KDELR2: variants seen among roughly 807,000 people sequenced by gnomAD.
KDELR2 encodes the protein KDEL endoplasmic reticulum protein retention receptor 2, also known as ER lumen protein-retaining receptor 2.
Under a neutral mutation model 23.9 loss-of-function variants are expected in KDELR2, and 15 were observed. That is an observed-to-expected ratio of 0.63 (90% CI 0.42 to 0.97). The LOEUF is 0.97. Ranked by LOEUF, KDELR2 falls within the 50% of genes least tolerant of loss-of-function variation. The pLI is 0.00. For synonymous variants in KDELR2, 119 were observed against 106.2 expected, an observed-to-expected ratio of 1.12 and a Z score of -0.74; for missense variants, 272 against 254.6, an observed-to-expected ratio of 1.07 and a Z score of -0.46.
chr7:6,482,555 G>A (rs747225087), intron 1 of KDELR2: 28 of 470,484 alleles, frequency 6.0e-5, no homozygotes, highest in African/African-American at 5.0e-4. Context: ...CTTACTTCCC[G>A]GATCTCAGTT....
intron 1 of KDELR2, among the ~76,000 whole-genome samples, chr7:6,479,536 G>A (rs1329289996): frequency 2.0e-5 from 3 of 152,090 alleles, no homozygotes; most frequent in Non-Finnish European, 4.4e-5. Flanking sequence ...GGAGTGCAGT[G>A]CACAGTCTCG....
rs1202476839 is a variant in KDELR2 at position 6,466,255 on chromosome 7, C to T, written c.420G>A (p.Lys140=). ...AILPQLFMIS[K]TGEAETITTH... is the part of the protein sequence containing the mutation. ...TGGTGATGGTCTCGGCCTCCCCAGTCTTGCTGATCATAAATAGCTGCGGAA... is the reference window on the plus strand; with the variant it reads ...TGGTGATGGTCTCGGCCTCCCCAGTTTTGCTGATCATAAATAGCTGCGGAA... The change falls in exon 4 of 5, where the codon AAG becomes AAA. Residue 140 remains lysine, a synonymous_variant. Transcript: ENST00000258739. 2.5e-6 allele frequency: 4 copies of T among 1,613,908 alleles called. No homozygotes were observed. The highest frequency in any genetic ancestry group is 2.7e-5 in the African/African-American group (2 of 74,880).
intron 1 of KDELR2, among the ~76,000 whole-genome samples, chr7:6,480,835 G>C (rs913710914): frequency 6.6e-6 from 1 of 152,274 alleles, no homozygotes; most frequent in South Asian, 2.1e-4. Flanking sequence ...GTCAAAGTTA[G>C]CATTTAATTC....
At chr7:6,477,668 G>C in intron 1 of KDELR2, among the ~76,000 whole-genome samples, 1 of 152,176 alleles carries the variant, frequency 6.6e-6, no homozygotes, top group Non-Finnish European at 1.5e-5. Context: ...TTTGTTTTCT[G>C]TTTTGTTTTC....
intron 1 of KDELR2, among the ~76,000 whole-genome samples, chr7:6,479,408 G>T (rs1156235922): frequency 6.6e-6 from 1 of 152,142 alleles, no homozygotes; most frequent in Non-Finnish European, 1.5e-5. Context: ...ACCCACCTTG[G>T]CCTCCTAAAG....
At chr7:6,463,278 CAT>C (rs1177393399) in intron 4 of KDELR2, 103 bp from the exon 5 acceptor site, 7 of 860,898 alleles carry the variant, frequency 8.1e-6, no homozygotes, top group Non-Finnish European at 1.3e-5. Flanking sequence ...CAAGATTCTA[CAT>C]AGTAAGGTAT....
At chr7:6,463,300 G>C in intron 4 of KDELR2, 125 bp from the exon 5 acceptor site, 1 of 705,378 alleles carries the variant, frequency 1.4e-6, no homozygotes, top group South Asian at 2.0e-5. Context: ...TAGGAAATAA[G>C]CAATTGTATT....
chr7:6,469,864 C>G, intron 2 of KDELR2, 110 bp from the exon 3 acceptor site: 1 of 972,990 alleles, frequency 1.0e-6, no homozygotes, highest in South Asian at 2.0e-5. Context: ...TTTTCCTTAG[C>G]TTTGTTTTTG....
intron 1 of KDELR2, among the ~76,000 whole-genome samples, chr7:6,479,097 T>C (rs1467775436): frequency 6.6e-6 from 1 of 151,742 alleles, no homozygotes; most frequent in Non-Finnish European, 1.5e-5. Flanking sequence ...CCATCTTTTG[T>C]ACATTTTCCT....
Position 6,462,880 on chromosome 7 carries a change from A to C in KDELR2, c.*261T>G, listed in dbSNP as rs1785417280. 1.7e-6 allele frequency: 2 copies of C among 1,155,536 alleles called. No individual in the cohort carries two copies. The allele number at this position is 1,155,536 out of a possible 1,614,324, so 71.6% of individuals were successfully genotyped here. The stretch of plus-strand genomic sequence containing the variant: ...TTGGAACTATCCCAATTGAAGCTAC[A>C]CACTGAATTTATTAATACAGCATTA... On this transcript the variant is annotated 3_prime_UTR_variant, in exon 5 of 5. Transcript: ENST00000258739.
At chr7:6,478,828 G>A (rs747026336) in intron 1 of KDELR2, among the ~76,000 whole-genome samples, 1 of 151,800 alleles carries the variant, frequency 6.6e-6, no homozygotes, top group Non-Finnish European at 1.5e-5. Context: ...CATTCTTGTC[G>A]CCCAGGCTGG....
chr7:6,482,401 A>G (rs1431657909), intron 1 of KDELR2: 1 of 308,042 alleles, frequency 3.2e-6, no homozygotes, highest in Non-Finnish European at 7.0e-6. Flanking sequence ...CCCAAACTGC[A>G]GCAGTTATTT....
Position 6,463,181 on chromosome 7 carries a change from A to G in KDELR2, c.605-6T>C. The G allele has an allele frequency of 6.2e-7, 1 of 1,606,234 alleles. No individual in the cohort carries two copies. The highest frequency in any genetic ancestry group is 8.5e-7 in the Non-Finnish European group (1 of 1,177,356). ...GAGCTTCTTTCCCTTGAGTACTAGA[A>G]TTTCAAAGAGAAGAAAAGAAAACAA... On this transcript the variant is annotated splice_polypyrimidine_tract_variant and splice_region_variant and intron_variant, in intron 4 of 4. Transcript: ENST00000258739.
intron 4 of KDELR2, among the ~76,000 whole-genome samples, 178 bp downstream of exon 4, chr7:6,465,893 A>G (rs959671254): frequency 6.6e-6 from 1 of 152,188 alleles, no homozygotes; most frequent in African/African-American, 2.4e-5. Flanking sequence ...ATTGCAAAAG[A>G]AAAAGGGTTC....
intron 4 of KDELR2, among the ~76,000 whole-genome samples, chr7:6,465,505 A>G (rs750327705): frequency 7.2e-5 from 11 of 151,898 alleles, no homozygotes; most frequent in Non-Finnish European, 1.5e-4. Flanking sequence ...TTTTCTGAAC[A>G]AGGATGATAG....
Position 6,463,134 on chromosome 7 carries a change from T to C in KDELR2, c.*7A>G, listed in dbSNP as rs137999737. The C allele has an allele frequency of 1.8e-4, 291 of 1,614,136 alleles. 3 individuals are homozygous for C. The African/African-American group carries it at 3.2e-3, about 18-fold the overall frequency. On this transcript the variant is annotated 3_prime_UTR_variant, in exon 5 of 5. Coordinates refer to ENST00000258739, the MANE Select transcript of KDELR2 (RefSeq NM_006854.4). ...GAAGGACAGATGCTGGTGATGGTCT[T>C]TGGCACTTATGCTGGCAAACTGAGC...
At chr7:6,481,152 T>C (rs1235318205) in intron 1 of KDELR2, among the ~76,000 whole-genome samples, 5 of 152,090 alleles carry the variant, frequency 3.3e-5, no homozygotes, top group Non-Finnish European at 7.4e-5. Flanking sequence ...GGGCGGATCA[T>C]GAGGTCAGGA....
Position 6,469,670 on chromosome 7 carries a change from A to T in KDELR2, c.277T>A (p.Phe93Ile). 6.2e-7 allele frequency: 1 copy of T among 1,614,130 alleles called. No homozygotes were observed. The highest frequency in any genetic ancestry group is 8.5e-7 in the Non-Finnish European group (1 of 1,179,970). The change falls in exon 3 of 5, where the codon TTC (phenylalanine) becomes ATC (isoleucine). Residue 93 changes from phenylalanine to isoleucine, a missense_variant. Transcript: ENST00000258739. ...KATYDGNHDT[F>I]RVEFLVVPVG... ...GGGACCACCAGAAACTCCACTCGGA[A>T]GGTATCATGATTTCCATCGTAGGTT...
intron 2 of KDELR2, among the ~76,000 whole-genome samples, chr7:6,471,065 C>T (rs1467380309): frequency 1.4e-5 from 2 of 147,822 alleles, no homozygotes; most frequent in Non-Finnish European, 3.0e-5. Flanking sequence ...TGCAGTGTGC[C>T]GAGATCTCGC....
Sources: gnomAD v4.1 joint callset for allele counts (sites outside exome capture counted in the v4.1 genomes callset) on GRCh38, gnomAD v4.1.1 for gene constraint, MANE v1.5 for transcripts, NCBI Gene and HGNC (gene_info 2026-07-23, HGNC 2026-07-21) for gene names.